The following DNAH9 variants were observed in gnomAD, a reference collection of about 807,000 sequenced individuals.
DNAH9 encodes the protein DNAH9 variant protein.
A neutral mutation model predicts 471.6 loss-of-function variants in DNAH9; 345 were observed. The observed-to-expected ratio is 0.73, with a 90% confidence interval of 0.67 to 0.80. The LOEUF is 0.80. Among genes scored for constraint, DNAH9 ranks in the 30% least tolerant of loss-of-function variants. The pLI is 0.00. For synonymous variants in DNAH9, 2,093 were observed against 2,123.6 expected (o/e 0.99, Z 0.40); for missense variants, 5,407 against 5,609.2 (o/e 0.96, Z 1.15).
At chr17:11,850,123 G>A (rs1971365424) in intron 49 of DNAH9, among the ~76,000 whole-genome samples, 1 of 152,210 alleles carries the variant, frequency 6.6e-6, no homozygotes, top group Non-Finnish European at 1.5e-5. Flanking sequence ...AAAGAAAAAT[G>A]TGGAGTAGAG....
At chr17:11,634,794 C>A (rs1196895740) in intron 8 of DNAH9, among the ~76,000 whole-genome samples, 1 of 152,198 alleles carries the variant, frequency 6.6e-6, no homozygotes, top group East Asian at 1.9e-4. Flanking sequence ...TGGCTTTTCT[C>A]CATACCTGGT....
intron 43 of DNAH9, among the ~76,000 whole-genome samples, chr17:11,799,718 G>C (rs910747368): frequency 1.6e-4 from 25 of 152,048 alleles, no homozygotes; most frequent in Non-Finnish European, 2.8e-4. Flanking sequence ...GAAGTAGCTG[G>C]GATTACAGGT....
At chr17:11,726,803 C>T (rs1007543197) in intron 27 of DNAH9, among the ~76,000 whole-genome samples, 5 of 152,142 alleles carry the variant, frequency 3.3e-5, no homozygotes, top group East Asian at 1.9e-4. Flanking sequence ...CATCCCAGCA[C>T]TTTGGGAGGC....
intron 41 of DNAH9, among the ~76,000 whole-genome samples, chr17:11,789,501 T>C (rs1010509007): frequency 2.0e-5 from 3 of 152,048 alleles, no homozygotes; most frequent in Admixed American, 6.5e-5. Flanking sequence ...AAATATCTGC[T>C]GTATCTGACA....
chr17:11,762,147 C>T (rs189069161), intron 35 of DNAH9, among the ~76,000 whole-genome samples: 4 of 152,318 alleles, frequency 2.6e-5, no homozygotes, highest in African/African-American at 7.2e-5. Flanking sequence ...ACTGTCATAG[C>T]ATTTGTTGTA....
chr17:11,784,466 C>T lies in DNAH9; in HGVS notation c.7988C>T (p.Ala2663Val). 1 of 1,614,226 alleles carries T rather than the reference C, an allele frequency of 6.2e-7. No individual in the cohort carries two copies. The highest frequency in any genetic ancestry group is 8.5e-7 in the Non-Finnish European group (1 of 1,180,040). ...DLALAFHQKI[A>V]TTFLPTGIKF... ...GCCCTCGCCTTCCACCAGAAAATTG[C>T]TACCACCTTCCTACCCACAGGAATC... Residue 2663 changes from alanine (A) to valine (V), a missense_variant, in exon 41 of 69, where the codon GCT becomes GTT. This residue lies in a region of DNAH9 where 4,636 missense variants were observed against 4,900.3 expected (regional missense o/e 0.95). Coordinates refer to ENST00000262442, the MANE Select transcript of DNAH9 (RefSeq NM_001372.4).
Position 11,744,994 on chromosome 17 carries a change from C to G in DNAH9, c.6309C>G (p.Val2103=). 1 of 1,614,038 alleles carries G rather than the reference C, an allele frequency of 6.2e-7. No individual in the cohort carries two copies. Among genetic ancestry groups the G allele is most frequent in the Non-Finnish European group, 8.5e-7 (1 of 1,179,898 alleles). ...LIGDLFPALD[V]PRRRDPNFEA... Reference sequence around the variant, plus strand: ...GGGACCTCTTTCCCGCCCTGGATGTCCCCCGGAGGAGAGACCCCAACTTCG... The same window carrying G: ...GGGACCTCTTTCCCGCCCTGGATGTGCCCCGGAGGAGAGACCCCAACTTCG... Residue 2103 remains valine (V), a synonymous_variant, in exon 31 of 69, where the codon GTC becomes GTG. Transcript: ENST00000262442.
chr17:11,774,459 CAG>C (rs1968341393), intron 38 of DNAH9, among the ~76,000 whole-genome samples: 2 of 152,128 alleles, frequency 1.3e-5, no homozygotes, highest in African/African-American at 4.8e-5. Flanking sequence ...GGAAGCCTCA[CAG>C]TCATGGTGGA....
At chr17:11,698,238 A>G (rs1035506281) in intron 22 of DNAH9, among the ~76,000 whole-genome samples, 3 of 64,090 alleles carry the variant, frequency 4.7e-5, no homozygotes, top group Admixed American at 2.6e-4. Flanking sequence ...ATAGCAATAT[A>G]TTATATAATA....
At chr17:11,950,477 C>T (rs1226807542) in intron 67 of DNAH9, among the ~76,000 whole-genome samples, 1 of 152,108 alleles carries the variant, frequency 6.6e-6, no homozygotes, top group African/African-American at 2.4e-5. Context: ...GAGATCTTCC[C>T]ACCTCAGCCA....
intron 50 of DNAH9, 125 bp from the exon 51 acceptor site, chr17:11,869,009 T>C (rs1972163138): frequency 8.8e-7 from 1 of 1,138,684 alleles, no homozygotes; most frequent in Non-Finnish European, 1.2e-6. Flanking sequence ...CTTTCCCTGG[T>C]CCCATAGGAA....
chr17:11,912,953 A>C (rs906333541), intron 61 of DNAH9, among the ~76,000 whole-genome samples: 2 of 151,956 alleles, frequency 1.3e-5, no homozygotes, highest in African/African-American at 4.8e-5. Context: ...GGATCACCTG[A>C]GGTCAGGAGT....
In DNAH9 at chr17:11,881,327, A is replaced by G; in HGVS notation, c.10720A>G (p.Asn3574Asp). The change falls in exon 55 of 69, where the codon AAC becomes GAC. Residue 3574 changes from asparagine (N) to aspartate (D), a missense_variant. Physicochemically the swap from Asn to Asp is conservative, Grantham distance 23. This residue lies in a region of DNAH9 where 4,636 missense variants were observed against 4,900.3 expected (regional missense o/e 0.95). Coordinates refer to ENST00000262442, the MANE Select transcript of DNAH9 (RefSeq NM_001372.4). Reference sequence around the variant, plus strand: ...GCTGCAGGCTCAGGCCACCCTGATCAACTTCACCGTGACCAGGGATGGCCT... The same window carrying G: ...GCTGCAGGCTCAGGCCACCCTGATCGACTTCACCGTGACCAGGGATGGCCT... ...PELQAQATLI[N>D]FTVTRDGLED... is the part of the protein sequence containing the mutation. 6.2e-7 allele frequency: 1 copy of G among 1,614,088 alleles called. No individual in the cohort carries two copies. The highest frequency in any genetic ancestry group is 8.5e-7 in the Non-Finnish European group (1 of 1,180,012).
chr17:11,966,173 T>A (rs8067626), intron 68 of DNAH9, among the ~76,000 whole-genome samples: 6,830 of 152,156 alleles, frequency 0.045, 534 homozygotes, highest in African/African-American at 0.16. Flanking sequence ...CATATTATAG[T>A]CAAACTGGTG....
chr17:11,929,872 C>G lies in DNAH9; in HGVS notation c.11884C>G (p.His3962Asp). 6.2e-7 allele frequency: 1 copy of G among 1,612,956 alleles called. No individual in the cohort carries two copies. Reference sequence around the variant, plus strand: ...GCTCCTTCCTTCCCACTAGAACATTCACCTGGTGGCCAAGTGGCTCAGCAC... The same window carrying G: ...GCTCCTTCCTTCCCACTAGAACATTGACCTGGTGGCCAAGTGGCTCAGCAC... Reference protein sequence around the residue: ...KGHWVILQNIHLVAKWLSTLE... With the variant: ...KGHWVILQNIDLVAKWLSTLE... Residue 3962 changes from histidine (H) to aspartate (D), a missense_variant, in exon 63 of 69, where the codon CAC (histidine) becomes GAC (aspartate). Around this residue, in one of 3 missense-constraint regions of DNAH9, gnomAD observed 4,636 missense variants for 4,900.3 expected, o/e 0.95. Coordinates refer to ENST00000262442, the MANE Select transcript of DNAH9 (RefSeq NM_001372.4).
chr17:11,610,995 C>A (rs1218525130), intron 3 of DNAH9, among the ~76,000 whole-genome samples: 1 of 152,104 alleles, frequency 6.6e-6, no homozygotes, highest in East Asian at 1.9e-4. Flanking sequence ...TCATCACTCG[C>A]AGGGCTGGAA....
chr17:11,909,882 T>A (rs1489012989), intron 61 of DNAH9, among the ~76,000 whole-genome samples: 4 of 152,164 alleles, frequency 2.6e-5, no homozygotes, highest in African/African-American at 9.6e-5. Flanking sequence ...AAACCCTACA[T>A]CCACTAGCCA....
intron 56 of DNAH9, among the ~76,000 whole-genome samples, chr17:11,885,218 G>A (rs375684893): frequency 9.8e-5 from 15 of 152,290 alleles, no homozygotes; most frequent in East Asian, 1.9e-4. Context: ...TGAGGGCTGA[G>A]GCCAAGAAAG....
At chr17:11,645,875 TTTTC>T (rs1158934994) in intron 11 of DNAH9, among the ~76,000 whole-genome samples, 6 of 78,992 alleles carry the variant, frequency 7.6e-5, no homozygotes, top group African/African-American at 2.0e-4. Context: ...CTCTTTTTCT[TTTTC>T]TTTTTTTTTT....
Sources: gnomAD v4.1 joint callset for allele counts (sites outside exome capture counted in the v4.1 genomes callset) on GRCh38, gnomAD v4.1.1 for gene constraint, gnomAD v4.1.1 regional missense constraint, MANE v1.5 for transcripts, NCBI Gene and HGNC (gene_info 2026-07-23, HGNC 2026-07-21) for gene names.